The following GABBR2 variants were observed in gnomAD, a reference collection of about 807,000 sequenced individuals.
GABBR2 encodes the protein gamma-aminobutyric acid type B receptor subunit 2.
A neutral mutation model predicts 105.6 loss-of-function variants in GABBR2; 23 were observed. The observed-to-expected ratio is 0.22, with a 90% CI of 0.16 to 0.31. The LOEUF (loss-of-function observed/expected upper bound fraction) is 0.31. Ranked by LOEUF, GABBR2 falls within the 10% of genes least tolerant of loss-of-function variation. The pLI is 1.00. For missense variants in GABBR2, 734 were observed against 1,245.5 expected (o/e 0.59, Z 6.18); for synonymous variants, 478 against 499.7 (o/e 0.96, Z 0.58).
Position 98,449,227 on chromosome 9 carries a change from C to G in GABBR2, c.1236+4754G>C, listed in dbSNP as rs549215704. On this transcript the variant is annotated intron_variant, in intron 7 of 18. Coordinates refer to ENST00000259455, the MANE Select transcript of GABBR2 (RefSeq NM_005458.8). ...GGATGGCTCCTTGGTCTTTACTCCC[C>G]TAAGCGAAACCGTCTTTCCTCCAGA... is the stretch of plus-strand genomic sequence containing the variant. Among the ~76,000 whole-genome samples the G allele has an allele frequency of 6.6e-5, 10 of 152,168 alleles. No individual in the cohort carries two copies. The East Asian group carries it at 1.9e-3, about 29-fold the overall frequency.
intron 3 of GABBR2, among the ~76,000 whole-genome samples, chr9:98,507,839 G>T (rs1053628606): frequency 1.3e-5 from 2 of 152,148 alleles, no homozygotes; most frequent in African/African-American, 2.4e-5. Context: ...GCCTAGCACA[G>T]GGGCTGCCTG....
At chr9:98,335,795 G>A (rs1045661494) in intron 13 of GABBR2, among the ~76,000 whole-genome samples, 1 of 152,098 alleles carries the variant, frequency 6.6e-6, no homozygotes, top group African/African-American at 2.4e-5. Flanking sequence ...TACCTACTCA[G>A]CTGTTGTCAG....
At chr9:98,645,606 G>A (rs1483753814) in intron 1 of GABBR2, among the ~76,000 whole-genome samples, 3 of 152,162 alleles carry the variant, frequency 2.0e-5, no homozygotes, top group Non-Finnish European at 4.4e-5. Flanking sequence ...CCACCCCTAA[G>A]GTTCTGAATG....
At chr9:98,436,283 A>G (rs1825901771) in intron 7 of GABBR2, among the ~76,000 whole-genome samples, 1 of 52,896 alleles carries the variant, frequency 1.9e-5, no homozygotes, top group Admixed American at 2.3e-4. Flanking sequence ...CAACAACCAT[A>G]TATATATATA....
Position 98,406,074 on chromosome 9 carries a change from T to C in GABBR2, c.1297+7A>G, listed in dbSNP as rs200141677. The C allele has an allele frequency of 2.0e-6, 3 of 1,489,250 alleles. No homozygotes were observed. Among genetic ancestry groups the C allele is most frequent in the Non-Finnish European group, 9.3e-7 (1 of 1,070,536 alleles). The allele number at this position is 1,489,250 out of a possible 1,614,324, so 92.3% of individuals were successfully genotyped here. A position where few individuals can be genotyped will look rare whatever the true frequency, so the allele number is the denominator to read the frequency against. Reference sequence around the variant, plus strand: ...CAGCTAGAAAGAATAAGCATCAAAATGCCTACCTTGAAATTGAGTAAATTT... The same window carrying C: ...CAGCTAGAAAGAATAAGCATCAAAACGCCTACCTTGAAATTGAGTAAATTT... On this transcript the variant is annotated splice_region_variant and intron_variant, in intron 8 of 18. Coordinates refer to ENST00000259455, the MANE Select transcript of GABBR2 (RefSeq NM_005458.8).
chr9:98,392,238 C>A (rs1475981039), intron 9 of GABBR2, among the ~76,000 whole-genome samples: 1 of 152,176 alleles, frequency 6.6e-6, no homozygotes, highest in African/African-American at 2.4e-5. Flanking sequence ...GGCTACTGGT[C>A]CCTGCCCCAC....
intron 1 of GABBR2, among the ~76,000 whole-genome samples, chr9:98,685,137 G>A (rs373990943): frequency 6.6e-6 from 1 of 152,188 alleles, no homozygotes; most frequent in South Asian, 2.1e-4. Context: ...AAAATGGAAG[G>A]ACTAGACTGG....
At chr9:98,359,785 G>A (rs1227058334) in intron 13 of GABBR2, among the ~76,000 whole-genome samples, 1 of 152,230 alleles carries the variant, frequency 6.6e-6, no homozygotes, top group Non-Finnish European at 1.5e-5. Context: ...GTGCTTGCTG[G>A]GTGGGCTGTG....
At chr9:98,421,951 C>T (rs1832789378) in intron 7 of GABBR2, among the ~76,000 whole-genome samples, 3 of 152,138 alleles carry the variant, frequency 2.0e-5, no homozygotes, top group South Asian at 4.1e-4. Flanking sequence ...AAGCACAAAC[C>T]GTTAGCCCAA....
intron 15 of GABBR2, among the ~76,000 whole-genome samples, chr9:98,305,431 C>T (rs956020033): frequency 6.6e-6 from 1 of 152,208 alleles, no homozygotes; most frequent in Non-Finnish European, 1.5e-5. Flanking sequence ...GAAATTCCCT[C>T]AATGACAGTT....
intron 1 of GABBR2, among the ~76,000 whole-genome samples, chr9:98,664,448 G>A (rs996419200): frequency 2.6e-5 from 4 of 152,176 alleles, no homozygotes; most frequent in Non-Finnish European, 5.9e-5. Context: ...CGCAGACTCA[G>A]GTACACGATA....
intron 1 of GABBR2, among the ~76,000 whole-genome samples, chr9:98,655,829 C>T (rs944743821): frequency 6.6e-6 from 1 of 151,938 alleles, no homozygotes; most frequent in Admixed American, 6.6e-5. Flanking sequence ...CACACTGGGG[C>T]CTTTTGGGGA....
intron 7 of GABBR2, among the ~76,000 whole-genome samples, chr9:98,447,732 C>T (rs80230127): frequency 0.087 from 13,270 of 151,910 alleles, 713 homozygotes; most frequent in South Asian, 0.23. Flanking sequence ...CCTAGTTTGA[C>T]CTTACTTAGA....
rs573154947 is a variant in GABBR2 at position 98,422,839 on chromosome 9, T to C, written c.1237-16698A>G. On this transcript the variant is annotated intron_variant, in intron 7 of 18. Coordinates refer to ENST00000259455, the MANE Select transcript of GABBR2 (RefSeq NM_005458.8). Reference sequence around the variant, plus strand: ...ATGTGTTCTCACTGTTCAATTCCCATCTATGAGTGAGAACATGCGGTGTTT... The same window carrying C: ...ATGTGTTCTCACTGTTCAATTCCCACCTATGAGTGAGAACATGCGGTGTTT... Among the ~76,000 whole-genome samples the C allele has an allele frequency of 6.5e-4, 94 of 143,998 alleles. 1 individual carries two copies. The highest frequency in any genetic ancestry group is 5.3e-3 in the Admixed American group (74 of 14,084). The allele number at this position is 143,998 out of a possible 152,430, so 94.5% of individuals were successfully genotyped here. A position where few individuals can be genotyped will look rare whatever the true frequency, so the allele number is the denominator to read the frequency against.
intron 6 of GABBR2, among the ~76,000 whole-genome samples, chr9:98,456,712 T>G (rs1826331468): frequency 6.6e-6 from 1 of 152,236 alleles, no homozygotes; most frequent in African/African-American, 2.4e-5. Flanking sequence ...TGTATGAAAG[T>G]AGTCATTTCC....
At chr9:98,394,648 T>A (rs1233518234) in intron 8 of GABBR2, among the ~76,000 whole-genome samples, 1 of 152,194 alleles carries the variant, frequency 6.6e-6, no homozygotes, top group Non-Finnish European at 1.5e-5. Flanking sequence ...TTCCCTAGGA[T>A]AGGCCCAGAT....
chr9:98,606,834 G>A, intron 1 of GABBR2: 1 of 433,656 alleles, frequency 2.3e-6, no homozygotes, highest in Non-Finnish European at 4.3e-6. Context: ...TACAAACAGT[G>A]CGAGAGCCAC....
intron 11 of GABBR2, among the ~76,000 whole-genome samples, chr9:98,376,757 C>T (rs112526285): frequency 0.032 from 4,915 of 152,282 alleles, 186 homozygotes; most frequent in African/African-American, 0.086. Context: ...TTCTCTGGAG[C>T]TTAGAGTACA....
At chr9:98,297,040 T>C (rs1393458206) in intron 17 of GABBR2, among the ~76,000 whole-genome samples, 1 of 152,176 alleles carries the variant, frequency 6.6e-6, no homozygotes, top group Non-Finnish European at 1.5e-5. Context: ...TTAAATATTT[T>C]ATTCATTGGA....
Sources: gnomAD v4.1 joint callset for allele counts (sites outside exome capture counted in the v4.1 genomes callset) on GRCh38, gnomAD v4.1.1 for gene constraint, MANE v1.5 for transcripts, NCBI Gene and HGNC (gene_info 2026-07-23, HGNC 2026-07-21) for gene names.